The following RBFOX1 variants were observed in gnomAD, a reference collection of about 807,000 sequenced individuals.
RBFOX1 encodes the protein RNA binding protein fox-1 homolog 1.
In RBFOX1, 8 loss-of-function variants were observed where a neutral mutation model predicts 57.7. That is an observed-to-expected ratio of 0.14 (90% CI 0.08 to 0.25). The LOEUF is 0.25. Among genes scored for constraint, RBFOX1 ranks in the 10% least tolerant of loss-of-function variants. The pLI is 1.00. For synonymous variants in RBFOX1, 326 were observed against 222.4 expected (o/e 1.47, Z -4.15); for missense variants, 611 against 548.5 (o/e 1.11, Z -1.14).
chr16:6,959,147 C>T (rs1158988430), intron 3 of RBFOX1, among the ~76,000 whole-genome samples: 2 of 152,018 alleles, frequency 1.3e-5, no homozygotes, highest in Admixed American at 1.3e-4. Context: ...CTTTTTCAGA[C>T]TACGATGGAT....
At chr16:5,497,623 A>C (rs944660729) in intron 2 of RBFOX1, among the ~76,000 whole-genome samples, 20 of 119,290 alleles carry the variant, frequency 1.7e-4, no homozygotes, top group Admixed American at 1.4e-3. Flanking sequence ...CTAAAAATAC[A>C]AAAAAAAAAA....
chr16:6,047,644 A>G (rs1205853947), intron 1 of RBFOX1, among the ~76,000 whole-genome samples: 1 of 152,160 alleles, frequency 6.6e-6, no homozygotes, highest in East Asian at 1.9e-4. Flanking sequence ...TCATCCCCAA[A>G]TGGAATGGTT....
chr16:6,555,126 C>T (rs2097074190), intron 2 of RBFOX1, among the ~76,000 whole-genome samples: 1 of 152,170 alleles, frequency 6.6e-6, no homozygotes, highest in Non-Finnish European at 1.5e-5. Context: ...TCTTATGTCT[C>T]ATACTTTTTA....
At chr16:7,033,725 G>A (rs1568460510) in intron 3 of RBFOX1, among the ~76,000 whole-genome samples, 1 of 152,136 alleles carries the variant, frequency 6.6e-6, no homozygotes, top group Non-Finnish European at 1.5e-5. Context: ...CGGGCGTGGC[G>A]ACTTATGCCT....
intron 4 of RBFOX1, among the ~76,000 whole-genome samples, chr16:7,449,078 C>T (rs1194039582): frequency 1.3e-5 from 2 of 151,798 alleles, no homozygotes; most frequent in African/African-American, 2.4e-5. Flanking sequence ...TACAGGCATG[C>T]ACCAGCATGC....
In RBFOX1 at chr16:6,019,104, C is replaced by G. The variant is rs2095021372; in HGVS notation, c.-1015C>G. ...ACACACAGACACACACGCACACACACACATGCACACATTTTCTCGCGCTCT... is the reference window on the plus strand; with the variant it reads ...ACACACAGACACACACGCACACACAGACATGCACACATTTTCTCGCGCTCT... On this transcript the variant is annotated 5_prime_UTR_variant, in exon 1 of 16. Transcript: ENST00000550418. The surrounding 1 kb of genome is among the most constrained non-coding windows in gnomAD (Gnocchi z 4.2). The G allele has an allele frequency of 4.1e-6, 4 of 984,858 alleles. No individual in the cohort carries two copies. The highest frequency in any genetic ancestry group is 6.2e-5 in the Admixed American group (1 of 16,220). 61.0% of individuals were successfully genotyped at this position (984,858 alleles called of 1,614,324 possible).
At chr16:6,758,185 G>C (rs1240099250) in intron 3 of RBFOX1, among the ~76,000 whole-genome samples, 1 of 152,064 alleles carries the variant, frequency 6.6e-6, no homozygotes, top group East Asian at 1.9e-4. Flanking sequence ...GTCTTGCTGT[G>C]AGATTTGAGA....
intron 2 of RBFOX1, among the ~76,000 whole-genome samples, chr16:6,579,724 G>C (rs80074589): frequency 3.3e-5 from 5 of 151,972 alleles, no homozygotes; most frequent in Admixed American, 6.6e-5. Context: ...TAGTAGCAGC[G>C]TGGGAACAGA....
At chr16:6,476,304 A>C (rs1039059806) in intron 2 of RBFOX1, among the ~76,000 whole-genome samples, 1 of 152,334 alleles carries the variant, frequency 6.6e-6, no homozygotes. Context: ...TACACTTTAA[A>C]AAAATAGTAA....
At chr16:7,299,084 C>T (rs1038752918) in intron 4 of RBFOX1, among the ~76,000 whole-genome samples, 14 of 152,132 alleles carry the variant, frequency 9.2e-5, no homozygotes, top group Non-Finnish European at 1.6e-4. Context: ...GAAAGATGTG[C>T]GTATTTTAGA....
chr16:7,349,847 GAAATA>G (rs1315764479), intron 4 of RBFOX1, among the ~76,000 whole-genome samples: 2 of 152,118 alleles, frequency 1.3e-5, no homozygotes, highest in East Asian at 3.9e-4. Context: ...TGCTAGGAAG[GAAATA>G]AAATAGGTTA....
At chr16:6,654,173 G>T (rs2098628530) in intron 2 of RBFOX1, among the ~76,000 whole-genome samples, 1 of 152,120 alleles carries the variant, frequency 6.6e-6, no homozygotes, top group Non-Finnish European at 1.5e-5. Context: ...TGGATGGTTG[G>T]ATGGTTGGAA....
chr16:6,584,412 G>T (rs1055949179), intron 2 of RBFOX1, among the ~76,000 whole-genome samples: 8 of 149,668 alleles, frequency 5.3e-5, no homozygotes, highest in African/African-American at 2.0e-4. Context: ...CTTTCACCCA[G>T]GCTAGAGTGC....
At chr16:6,725,295 C>T (rs986679358) in intron 3 of RBFOX1, among the ~76,000 whole-genome samples, 3 of 151,990 alleles carry the variant, frequency 2.0e-5, no homozygotes, top group Non-Finnish European at 4.4e-5. Context: ...TCGTGATCCA[C>T]CCACCTCGGC....
At chr16:6,594,461 A>G (rs1435816351) in intron 2 of RBFOX1, among the ~76,000 whole-genome samples, 2 of 152,180 alleles carry the variant, frequency 1.3e-5, no homozygotes, top group African/African-American at 2.4e-5. Context: ...AAACTCGGCA[A>G]TAAATGCCCC....
intron 4 of RBFOX1, among the ~76,000 whole-genome samples, chr16:7,172,406 A>G (rs1340604382): frequency 1.3e-5 from 2 of 152,172 alleles, no homozygotes; most frequent in African/African-American, 4.8e-5. Flanking sequence ...TGTGAAACAC[A>G]TTGTTATTCC....
chr16:6,580,299 C>A (rs1341302648), intron 2 of RBFOX1, among the ~76,000 whole-genome samples: 1 of 152,132 alleles, frequency 6.6e-6, no homozygotes, highest in Non-Finnish European at 1.5e-5. Flanking sequence ...TTGACTTTTT[C>A]CATCACAAAT....
At chr16:7,167,271 C>A (rs538664869) in intron 4 of RBFOX1, among the ~76,000 whole-genome samples, 1 of 151,764 alleles carries the variant, frequency 6.6e-6, no homozygotes, top group Non-Finnish European at 1.5e-5. Context: ...CAGGTGTGAG[C>A]CACCACACCT....
intron 3 of RBFOX1, among the ~76,000 whole-genome samples, chr16:7,021,339 C>T (rs1020941549): frequency 2.7e-5 from 4 of 146,852 alleles, no homozygotes; most frequent in East Asian, 3.9e-4. Flanking sequence ...TATTTAAAAA[C>T]ATTTTTGAAT....
Sources: gnomAD v4.1 joint callset for allele counts (sites outside exome capture counted in the v4.1 genomes callset) on GRCh38, gnomAD v4.1.1 for gene constraint, Gnocchi (gnomAD v3.1) non-coding constraint, MANE v1.5 for transcripts, NCBI Gene and HGNC (gene_info 2026-07-23, HGNC 2026-07-21) for gene names.